Variants in CRTC3 observed in about 807,000 individuals in gnomAD.
CRTC3 encodes CREB-regulated transcription coactivator 3.
In CRTC3, 26 loss-of-function variants were observed where a neutral mutation model predicts 74.5. The ratio of observed to expected loss-of-function variants is 0.35; its 90% CI spans 0.26 to 0.48. The LOEUF (loss-of-function observed/expected upper bound fraction) is 0.48. Ranked by LOEUF, CRTC3 falls within the 20% of genes least tolerant of loss-of-function variation. The probability of loss-of-function intolerance (pLI) is 0.99; values close to 1 mark genes in which losing one functional copy is unlikely to be tolerated. For missense variants in CRTC3, 760 were observed against 787.3 expected, an observed-to-expected ratio of 0.97 and a Z score of 0.41; for synonymous variants, 377 against 325.8, an observed-to-expected ratio of 1.16 and a Z score of -1.69.
intron 11 of CRTC3, among the ~76,000 whole-genome samples, chr15:90,630,348 T>G (rs1210401144): frequency 1.3e-5 from 2 of 152,208 alleles, no homozygotes; most frequent in African/African-American, 4.8e-5. Context: ...AAACAATACT[T>G]TTATTGTTCA....
chr15:90,537,966 C>G (rs559943130), intron 1 of CRTC3, among the ~76,000 whole-genome samples: 68 of 152,258 alleles, frequency 4.5e-4, no homozygotes, highest in Admixed American at 2.2e-3. Context: ...TGTGAGACGG[C>G]CTTCAGCTCA....
rs552957581 is a variant in CRTC3, at chr15:90,642,568, G to A, written c.*428G>A. Reference sequence around the variant, plus strand: ...AGTGGGAGGCTCGGCCTGGGGCGGCGGCACCGGAGAGGGCACCTCGATGCC... The same window carrying A: ...AGTGGGAGGCTCGGCCTGGGGCGGCAGCACCGGAGAGGGCACCTCGATGCC... On this transcript the variant is annotated 3_prime_UTR_variant, in exon 15 of 15. Transcript: ENST00000268184. The A allele has an allele frequency of 5.7e-5, 18 of 313,516 alleles. No homozygotes were observed. Among genetic ancestry groups the A allele is most frequent in the African/African-American group, 3.2e-4 (15 of 47,474 alleles). The allele number at this position is 313,516 out of a possible 1,614,324, so 19.4% of individuals were successfully genotyped here.
intron 2 of CRTC3, among the ~76,000 whole-genome samples, chr15:90,541,995 A>C (rs1966810799): frequency 2.6e-5 from 4 of 151,246 alleles, no homozygotes; most frequent in Admixed American, 2.6e-4. Context: ...ATGTTGGTCA[A>C]TTGGTCTTGA....
chr15:90,544,520 G>A (rs1966840975), intron 2 of CRTC3, among the ~76,000 whole-genome samples: 1 of 152,176 alleles, frequency 6.6e-6, no homozygotes, highest in Non-Finnish European at 1.5e-5. Context: ...CCATTCTATG[G>A]ATGTAGATAA....
At chr15:90,564,340 A>G (rs1967076820) in intron 2 of CRTC3, among the ~76,000 whole-genome samples, 1 of 152,130 alleles carries the variant, frequency 6.6e-6, no homozygotes, top group African/African-American at 2.4e-5. Context: ...TGATTTCTTT[A>G]TTTGTTAACC....
intron 1 of CRTC3, 183 bp from the exon 2 acceptor site, chr15:90,539,856 C>T (rs183329674): frequency 1.8e-4 from 104 of 582,222 alleles, no homozygotes; most frequent in African/African-American, 1.4e-3. Context: ...AAGCTCTTTC[C>T]GAAAATAGAG....
chr15:90,622,500 ATTTTTCT>A (rs1968685432), intron 9 of CRTC3, among the ~76,000 whole-genome samples: 1 of 151,970 alleles, frequency 6.6e-6, no homozygotes, highest in South Asian at 2.1e-4. Flanking sequence ...TCTCAATTTT[ATTTTTCT>A]AGTCCTTGAT....
rs556355856 is a variant in CRTC3 at position 90,551,892 on chromosome 15, G to C, written c.231+11755G>C. ...GGCGGTTCCTCTGAAAGGGTGTGTGGTAAGGCGCGCCCTTACATTACATTA... is the reference window on the plus strand; with the variant it reads ...GGCGGTTCCTCTGAAAGGGTGTGTGCTAAGGCGCGCCCTTACATTACATTA... On this transcript the variant is annotated intron_variant, in intron 2 of 14. Transcript: ENST00000268184. Among the ~76,000 whole-genome samples, 19 of 152,172 alleles carry C rather than the reference G, an allele frequency of 1.2e-4. No individual in the cohort carries two copies. The South Asian group carries it at 2.1e-3, about 17-fold the overall frequency.
intron 11 of CRTC3, 118 bp downstream of exon 11, chr15:90,629,650 G>C (rs1185971296): frequency 6.4e-6 from 6 of 939,998 alleles, no homozygotes; most frequent in Admixed American, 4.7e-5. Context: ...CACCCATGAG[G>C]TCTCAAGTGC....
intron 2 of CRTC3, among the ~76,000 whole-genome samples, chr15:90,571,264 G>C (rs1035082294): frequency 1.3e-5 from 2 of 152,180 alleles, no homozygotes; most frequent in African/African-American, 4.8e-5. Flanking sequence ...TCAGAGAGTG[G>C]CTGGATTGTG....
chr15:90,593,686 G>T lies in CRTC3; in HGVS notation c.282G>T (p.Leu94=), dbSNP rs1299933330. The T allele has an allele frequency of 6.2e-7, 1 of 1,612,160 alleles. No homozygotes were observed. Residue 94 remains leucine (L), a synonymous_variant, in exon 3 of 15, where the codon CTG becomes CTT. Coordinates refer to ENST00000268184, the MANE Select transcript of CRTC3 (RefSeq NM_022769.5). ...DNVRGTRHHG[L]VERPSRNRFH... ...TTCGGGGAACCCGCCATCACGGGCTGGTGGAGAGGCCATCCAGGAACCGCT... is the reference window on the plus strand; with the variant it reads ...TTCGGGGAACCCGCCATCACGGGCTTGTGGAGAGGCCATCCAGGAACCGCT...
At chr15:90,594,736 T>C (rs771913791) in intron 3 of CRTC3, 37 of 152,130 alleles carry the variant, frequency 2.4e-4, no homozygotes, top group Non-Finnish European at 5.3e-4. Flanking sequence ...TAACCCTCAT[T>C]TTCTGATGAG....
chr15:90,617,540 G>GT (rs1453079099), intron 7 of CRTC3, among the ~76,000 whole-genome samples: 2 of 152,008 alleles, frequency 1.3e-5, no homozygotes, highest in East Asian at 1.9e-4. Context: ...TGTTGTCTTT[G>GT]TTTTTTTGGG....
At chr15:90,614,683 G>T in intron 7 of CRTC3, 195 bp downstream of exon 7, 1 of 489,054 alleles carries the variant, frequency 2.0e-6, no homozygotes, top group Non-Finnish European at 3.7e-6. Flanking sequence ...AAGGAAATAT[G>T]TGGTTGCATT....
At chr15:90,617,201 C>T (rs971902758) in intron 7 of CRTC3, among the ~76,000 whole-genome samples, 2 of 152,216 alleles carry the variant, frequency 1.3e-5, no homozygotes, top group Non-Finnish European at 2.9e-5. Context: ...CAAAGCCCTC[C>T]TGGCCTCTTC....
intron 2 of CRTC3, among the ~76,000 whole-genome samples, chr15:90,587,639 G>A (rs1266487538): frequency 6.6e-6 from 1 of 151,990 alleles, no homozygotes. Context: ...TAGAGACAAG[G>A]TCTCCCCTCT....
At chr15:90,633,567 T>C (rs1446506060) in intron 11 of CRTC3, among the ~76,000 whole-genome samples, 1 of 152,202 alleles carries the variant, frequency 6.6e-6, no homozygotes, top group African/African-American at 2.4e-5. Flanking sequence ...GTCCCCAGTG[T>C]TCTGAAACTT....
chr15:90,539,593 G>A, intron 1 of CRTC3: 1 of 179,492 alleles, frequency 5.6e-6, no homozygotes, highest in South Asian at 1.2e-4. Flanking sequence ...GGCTTATGAT[G>A]AGCATGCTAG....
At chr15:90,555,984 G>A (rs10852134) in intron 2 of CRTC3, among the ~76,000 whole-genome samples, 2 of 151,912 alleles carry the variant, frequency 1.3e-5, no homozygotes, top group African/African-American at 4.8e-5. Flanking sequence ...CAGAAAAAAT[G>A]AGCCATTTTT....
Sources: gnomAD v4.1 joint callset for allele counts (sites outside exome capture counted in the v4.1 genomes callset) on GRCh38, gnomAD v4.1.1 for gene constraint, MANE v1.5 for transcripts, NCBI Gene and HGNC (gene_info 2026-07-23, HGNC 2026-07-21) for gene names.